The following SLC5A11 variants were observed in gnomAD, a reference collection of about 807,000 sequenced individuals.
SLC5A11 encodes the protein sodium/myo-inositol cotransporter 2.
A neutral mutation model predicts 69.8 loss-of-function variants in SLC5A11; 48 were observed. The observed-to-expected ratio is 0.69, with a 90% CI of 0.55 to 0.87. SLC5A11 has a LOEUF of 0.87. SLC5A11 is among the 40% of genes least tolerant of loss of function. The pLI is 0.00. For missense variants in SLC5A11, 784 were observed against 866.1 expected, an observed-to-expected ratio of 0.91 and a Z score of 1.19; for synonymous variants, 319 against 342.4, an observed-to-expected ratio of 0.93 and a Z score of 0.75.
At chr16:24,858,709 G>C (rs1323612366) in exon 2 of SLC5A11, 1 of 1,611,964 alleles carries the variant, frequency 6.2e-7, no homozygotes, top group Non-Finnish European at 8.5e-7. Flanking sequence ...TTCCCCAGAA[G>C]GGCTTGGAGC....
chr16:24,853,669 T>C (rs532855688), intron 1 of SLC5A11, among the ~76,000 whole-genome samples: 1 of 152,368 alleles, frequency 6.6e-6, no homozygotes, highest in South Asian at 2.1e-4. Context: ...CCCGCGGCAC[T>C]GACTGCGGCC....
rs548007956 is a variant in SLC5A11, at chr16:24,865,486, G to A, written c.207+2814G>A. ...GCAGGAGAATTGCTTGAACCTGGGA[G>A]GCGGAGGTTGCAGTGAGCTGAGACT... On this transcript the variant is annotated intron_variant, in intron 3 of 15. Transcript: ENST00000347898. Among the ~76,000 whole-genome samples, 6 of 152,290 alleles carry A rather than the reference G, an allele frequency of 3.9e-5. No individual in the cohort carries two copies. The East Asian group carries it at 1.2e-3, about 29-fold the overall frequency.
intron 9 of SLC5A11, among the ~76,000 whole-genome samples, chr16:24,892,423 G>A (rs1597216755): frequency 6.9e-6 from 1 of 145,186 alleles, no homozygotes. Flanking sequence ...AGATCCATGT[G>A]TACAAGAAGT....
At chr16:24,907,844 C>G (rs1304398005) in intron 12 of SLC5A11, 119 bp from the exon 14 acceptor site, 1 of 1,334,182 alleles carries the variant, frequency 7.5e-7, no homozygotes, top group African/African-American at 1.4e-5. Context: ...TATGCTCTCA[C>G]CACTGCACCC....
At chr16:24,858,514 C>A in intron 1 of SLC5A11, 106 bp from the exon 3 acceptor site, 1 of 964,972 alleles carries the variant, frequency 1.0e-6, no homozygotes. Flanking sequence ...CCACACATCC[C>A]TCCACATGGG....
At chr16:24,853,849 T>C (rs2059415813) in intron 1 of SLC5A11, among the ~76,000 whole-genome samples, 1 of 152,214 alleles carries the variant, frequency 6.6e-6, no homozygotes, top group Admixed American at 6.5e-5. Flanking sequence ...CGATTCTCAG[T>C]ATACCTACTG....
At chr16:24,896,655 A>G (rs888732600) in intron 9 of SLC5A11, among the ~76,000 whole-genome samples, 26 of 152,162 alleles carry the variant, frequency 1.7e-4, no homozygotes, top group African/African-American at 6.0e-4. Flanking sequence ...GGCTGGTACT[A>G]TGCTCATTTC....
intron 9 of SLC5A11, among the ~76,000 whole-genome samples, chr16:24,895,679 G>A (rs192942377): frequency 4.4e-4 from 67 of 152,180 alleles, no homozygotes; most frequent in African/African-American, 1.5e-3. Context: ...AATTCTGACC[G>A]GCTGAATGTG....
chr16:24,901,601 C>T (rs2049597371), intron 10 of SLC5A11, among the ~76,000 whole-genome samples: 1 of 151,428 alleles, frequency 6.6e-6, no homozygotes, highest in South Asian at 2.1e-4. Context: ...CAAAGTGAGA[C>T]CTTGTTTAAA....
rs181452386 is a variant in SLC5A11, at chr16:24,869,029, A to G, written c.208-872A>G. ...ATTATAGGCATGTGTCACCACGCTC[A>G]GCTAACTTTTGTATTTTTAGTGGAG... On this transcript the variant is annotated intron_variant, in intron 3 of 15. Transcript: ENST00000347898. 4.1e-3 allele frequency among the ~76,000 whole-genome samples: 620 copies of G among 151,996 alleles called. 3 individuals are homozygous for G. The highest frequency in any genetic ancestry group is 0.014 in the African/African-American group (600 of 41,462).
chr16:24,909,829 TAAAA>T (rs3050359), intron 14 of SLC5A11, among the ~76,000 whole-genome samples: 19 of 103,926 alleles, frequency 1.8e-4, no homozygotes, highest in Admixed American at 2.5e-4. Context: ...AGCCTGTCTT[TAAAA>T]AAAAAAAAAA....
intron 10 of SLC5A11, among the ~76,000 whole-genome samples, chr16:24,898,633 C>G (rs1037139642): frequency 6.6e-6 from 1 of 152,042 alleles, no homozygotes; most frequent in African/African-American, 2.4e-5. Context: ...ATTCTCCTGC[C>G]TCAGCCTCCT....
intron 8 of SLC5A11, among the ~76,000 whole-genome samples, chr16:24,890,435 G>C (rs1945186620): frequency 7.7e-6 from 1 of 129,180 alleles, no homozygotes; most frequent in Non-Finnish European, 1.6e-5. Context: ...AGTGAGCCAA[G>C]ATCATGCTAC....
At chr16:24,851,179 G>A in intron 1 of SLC5A11, among the ~76,000 whole-genome samples, 1 of 151,726 alleles carries the variant, frequency 6.6e-6, no homozygotes. Context: ...TCACCAGGCT[G>A]GAATGCAGTG....
intron 8 of SLC5A11, among the ~76,000 whole-genome samples, chr16:24,886,033 G>A (rs541648025): frequency 4.8e-4 from 66 of 138,732 alleles, no homozygotes; most frequent in Admixed American, 2.7e-3. Context: ...ACAAATAGGA[G>A]TTCTTTTTTT....
rs2047253704 is a variant in SLC5A11, at chr16:24,870,864, A to G, written c.312+859A>G. Among the ~76,000 whole-genome samples the G allele has an allele frequency of 2.6e-5, 4 of 151,564 alleles. No individual in the cohort carries two copies. In the South Asian group the frequency reaches 8.3e-4, roughly 32 times the overall value. On this transcript the variant is annotated intron_variant, in intron 4 of 15. Coordinates refer to ENST00000347898, the Ensembl canonical transcript of SLC5A11. ...TAGAGATGCAGAAGAAAGATGGTGAAGACTGAAGCGTATTTCTGTGTACTT... is the reference window on the plus strand; with the variant it reads ...TAGAGATGCAGAAGAAAGATGGTGAGGACTGAAGCGTATTTCTGTGTACTT...
chr16:24,889,807 CAAAGTGCTAGT>C (rs1437345031), intron 8 of SLC5A11, among the ~76,000 whole-genome samples: 1 of 151,988 alleles, frequency 6.6e-6, no homozygotes, highest in East Asian at 1.9e-4. Flanking sequence ...CTCGGCCTCC[CAAAGTGCTAGT>C]ATTACAGGTG....
chr16:24,910,843 G>A (rs1444255183), intron 15 of SLC5A11, among the ~76,000 whole-genome samples: 1 of 152,044 alleles, frequency 6.6e-6, no homozygotes, highest in Non-Finnish European at 1.5e-5. Context: ...CCCACCTACA[G>A]TTTCAACAAA....
chr16:24,911,546 C>A (rs776673016), exon 16 of SLC5A11: 4 of 1,613,552 alleles, frequency 2.5e-6, no homozygotes, highest in Non-Finnish European at 2.5e-6. Flanking sequence ...TGGGGTGAAC[C>A]CAGGGGTCCA....
Sources: allele counts gnomAD v4.1 joint callset (sites outside exome capture counted in the v4.1 genomes callset), GRCh38; gene constraint gnomAD v4.1.1; transcripts MANE v1.5; gene names NCBI Gene and HGNC (gene_info 2026-07-23, HGNC 2026-07-21).